Variants in SH3PXD2B observed in about 807,000 individuals in gnomAD.
SH3PXD2B encodes the protein SH3 and PX domains 2B.
Under a neutral mutation model 73.1 loss-of-function variants are expected in SH3PXD2B, and 37 were observed. The observed-to-expected ratio is 0.51, with a 90% CI of 0.39 to 0.67. The LOEUF (loss-of-function observed/expected upper bound fraction) is 0.67. Ranked by LOEUF, SH3PXD2B falls within the 30% of genes least tolerant of loss-of-function variation. The pLI is 0.00. For missense variants in SH3PXD2B, 1,053 were observed against 1,197.8 expected, an observed-to-expected ratio of 0.88 and a Z score of 1.78; for synonymous variants, 457 against 480.5, an observed-to-expected ratio of 0.95 and a Z score of 0.64.
chr5:172,344,652 T>C (rs1756949044), intron 12 of SH3PXD2B, among the ~76,000 whole-genome samples: 1 of 124,282 alleles, frequency 8.0e-6, no homozygotes, highest in Non-Finnish European at 1.7e-5. Context: ...AATGAAAGAG[T>C]ATGAAGGGGC....
intron 2 of SH3PXD2B, among the ~76,000 whole-genome samples, chr5:172,419,350 C>T (rs1021354353): frequency 6.6e-6 from 1 of 152,212 alleles, no homozygotes; most frequent in Non-Finnish European, 1.5e-5. Flanking sequence ...TAAATCTCTT[C>T]CAGATGACTC....
Position 172,367,578 on chromosome 5 carries a change from A to C in SH3PXD2B, c.428-4709T>G, listed in dbSNP as rs191630232. On this transcript the variant is annotated intron_variant, in intron 6 of 12. Transcript: ENST00000311601. The stretch of plus-strand genomic sequence containing the variant: ...TCCTTCACTCTCCCCAATGTGGCGC[A>C]GATGGTTACTTATCCCCCATCCTCT... Among the ~76,000 whole-genome samples, 19 of 152,246 alleles carry C rather than the reference A, an allele frequency of 1.2e-4. No individual in the cohort carries two copies. In the East Asian group the frequency reaches 3.3e-3, roughly 26 times the overall value.
At chr5:172,362,914 T>C (rs758985687) in intron 6 of SH3PXD2B, 45 bp from the exon 7 acceptor site, 8 of 1,612,838 alleles carry the variant, frequency 5.0e-6, no homozygotes, top group Non-Finnish European at 6.8e-6. Context: ...CACTCATGCA[T>C]GAAAGAGCAG....
chr5:172,357,090 G>T (rs1309073218), intron 8 of SH3PXD2B, among the ~76,000 whole-genome samples: 1 of 126,344 alleles, frequency 7.9e-6, no homozygotes, highest in Non-Finnish European at 1.6e-5. Context: ...CTGCACTCCA[G>T]CCTGAGTAAC....
intron 7 of SH3PXD2B, among the ~76,000 whole-genome samples, chr5:172,359,387 C>CAAAAAAAAAAAAAA (rs70982393): frequency 1.1e-4 from 9 of 84,064 alleles, no homozygotes; most frequent in South Asian, 5.3e-4. Flanking sequence ...ACCCCCATCT[C>CAAAAAAAAAAAAAA]AAAAAAAAAA....
intron 5 of SH3PXD2B, among the ~76,000 whole-genome samples, chr5:172,378,180 C>G (rs1361021825): frequency 6.6e-6 from 1 of 152,186 alleles, no homozygotes; most frequent in Admixed American, 6.5e-5. Context: ...CCAGACTCCT[C>G]CCAAGCACAG....
At chr5:172,406,504 G>A in intron 2 of SH3PXD2B, 152 bp from the exon 3 acceptor site, 1 of 830,538 alleles carries the variant, frequency 1.2e-6, no homozygotes, top group Non-Finnish European at 1.9e-6. Flanking sequence ...AATGGGAAAG[G>A]CAATTTCAGT....
chr5:172,333,110 A>AT (rs11389222), downstream of SH3PXD2B, among the ~76,000 whole-genome samples: 151,875 of 151,880 alleles, frequency 1, 75,935 homozygotes, highest in Middle Eastern at 1. Context: ...GAATTTTTGT[A>AT]TTTTAGTAGA....
chr5:172,384,162 T>C (rs1375184139), intron 4 of SH3PXD2B, among the ~76,000 whole-genome samples: 1 of 152,038 alleles, frequency 6.6e-6, no homozygotes, highest in Non-Finnish European at 1.5e-5. Context: ...GCATTTTCTA[T>C]ATAACCAGCC....
At chr5:172,409,107 C>A (rs561251170) in intron 2 of SH3PXD2B, among the ~76,000 whole-genome samples, 2 of 152,222 alleles carry the variant, frequency 1.3e-5, no homozygotes, top group East Asian at 1.9e-4. Context: ...ACTGGCCAGG[C>A]GCGGTGGCTC....
intron 6 of SH3PXD2B, among the ~76,000 whole-genome samples, chr5:172,368,652 A>ATATATATGTT (rs1561908520): frequency 8.6e-5 from 1 of 11,658 alleles, no homozygotes; most frequent in Non-Finnish European, 1.2e-4. Context: ...ATATATATAA[A>ATATATATGTT]ATATATATAT....
intron 12 of SH3PXD2B, among the ~76,000 whole-genome samples, chr5:172,326,317 C>T (rs1044184004): frequency 5.9e-5 from 9 of 152,134 alleles, no homozygotes; most frequent in African/African-American, 2.2e-4. Context: ...AGCATACATG[C>T]CAAAGTGTGT....
chr5:172,432,639 T>G (rs139217624), intron 1 of SH3PXD2B, among the ~76,000 whole-genome samples: 1 of 152,146 alleles, frequency 6.6e-6, no homozygotes, highest in Non-Finnish European at 1.5e-5. Context: ...GAGGATTGAC[T>G]GGCTGGGTGC....
rs372715557 is a variant in SH3PXD2B, at chr5:172,437,471, G to A, written c.76-14975C>T. 5.3e-5 allele frequency among the ~76,000 whole-genome samples: 8 copies of A among 152,176 alleles called. No homozygotes were observed. In the East Asian group the frequency reaches 5.8e-4, roughly 11 times the overall value. ...ACAGAGCCATGCTGCGCCTGAGGTC[G>A]AGAGGCTGGGAAGTGGGTGACATGA... On this transcript the variant is annotated intron_variant, in intron 1 of 12. Coordinates refer to ENST00000311601, the MANE Select transcript of SH3PXD2B (RefSeq NM_001017995.3).
In SH3PXD2B at chr5:172,425,255, T is replaced by G. The variant is rs114910983; in HGVS notation, c.76-2759A>C. Among the ~76,000 whole-genome samples, 1,262 of 152,228 alleles carry G rather than the reference T, an allele frequency of 8.3e-3. 15 individuals carry two copies. The highest frequency in any genetic ancestry group is 0.022 in the African/African-American group (927 of 41,544). ...CAACATCTATTAAGCACCGACTGCA[T>G]GCCAGGCCCTCTGCTAGGGGTTGAG... On this transcript the variant is annotated intron_variant, in intron 1 of 12. Transcript: ENST00000311601.
intron 7 of SH3PXD2B, among the ~76,000 whole-genome samples, chr5:172,359,439 G>GT (rs11422934): frequency 0.041 from 6,097 of 147,404 alleles, 200 homozygotes; most frequent in South Asian, 0.2. Flanking sequence ...ACTAAGATGT[G>GT]TGATGCACCC....
chr5:172,369,209 AT>A (rs963669318), intron 6 of SH3PXD2B, among the ~76,000 whole-genome samples: 4 of 133,384 alleles, frequency 3.0e-5, no homozygotes, highest in African/African-American at 8.8e-5. Context: ...GTTTTTATGT[AT>A]TTTTTTTGTT....
chr5:172,387,727 G>A (rs550445543), intron 4 of SH3PXD2B, among the ~76,000 whole-genome samples: 1 of 152,158 alleles, frequency 6.6e-6, no homozygotes, highest in East Asian at 1.9e-4. Flanking sequence ...ATAAATACTT[G>A]TATGTGTGAC....
intron 2 of SH3PXD2B, among the ~76,000 whole-genome samples, chr5:172,418,500 A>G (rs941389898): frequency 6.6e-5 from 10 of 152,168 alleles, no homozygotes; most frequent in Non-Finnish European, 1.2e-4. Context: ...GTTTGGGCCA[A>G]GTTACTTCTG....
Sources: allele counts gnomAD v4.1 joint callset (sites outside exome capture counted in the v4.1 genomes callset), GRCh38; gene constraint gnomAD v4.1.1; transcripts MANE v1.5; gene names NCBI Gene and HGNC (gene_info 2026-07-23, HGNC 2026-07-21).